Variants in NRXN1 observed in about 807,000 individuals in gnomAD.
NRXN1 encodes the protein neurexin 1, also known as neurexin-1.
A neutral mutation model predicts 150.9 loss-of-function variants in NRXN1; 39 were observed. The ratio of observed to expected loss-of-function variants is 0.26; its 90% CI spans 0.20 to 0.34. NRXN1 has a LOEUF of 0.34. NRXN1 is among the 10% of genes least tolerant of loss of function. The pLI is 1.00. For synonymous variants in NRXN1, 924 were observed against 757.0 expected (o/e 1.22, Z -3.62); for missense variants, 1,815 against 1,949.9 (o/e 0.93, Z 1.30).
At chr2:51,017,185 A>G (rs942085665) in intron 2 of NRXN1, among the ~76,000 whole-genome samples, 25 of 152,148 alleles carry the variant, frequency 1.6e-4, no homozygotes, top group Admixed American at 3.3e-4. Flanking sequence ...GCAAACCACC[A>G]TGGCACGTGT....
At chr2:50,417,724 G>T (rs2083655988) in intron 17 of NRXN1, among the ~76,000 whole-genome samples, 3 of 151,734 alleles carry the variant, frequency 2.0e-5, no homozygotes, top group African/African-American at 4.8e-5. Context: ...GCTTTCTTGA[G>T]GCAGTAACAT....
intron 18 of NRXN1, among the ~76,000 whole-genome samples, chr2:50,149,742 A>G (rs1378529973): frequency 6.6e-6 from 1 of 151,700 alleles, no homozygotes; most frequent in East Asian, 1.9e-4. Context: ...CATAATAAAC[A>G]CCAAAAATGT....
chr2:49,978,503 A>C (rs1400424501), intron 21 of NRXN1, among the ~76,000 whole-genome samples: 1 of 152,138 alleles, frequency 6.6e-6, no homozygotes, highest in Non-Finnish European at 1.5e-5. Context: ...CTCTAATGCT[A>C]ATCCCCACAC....
intron 5 of NRXN1, among the ~76,000 whole-genome samples, chr2:50,724,693 T>C (rs1172206999): frequency 2.0e-5 from 3 of 152,124 alleles, no homozygotes; most frequent in African/African-American, 7.2e-5. Flanking sequence ...TCTAGACAGC[T>C]AAAGAAGCAA....
intron 12 of NRXN1, 104 bp downstream of exon 12, chr2:50,528,521 G>A: frequency 2.8e-6 from 2 of 701,804 alleles, no homozygotes; most frequent in Non-Finnish European, 4.9e-6. Flanking sequence ...GTGAGCTCAT[G>A]AGTTTTATAA....
chr2:50,384,463 GCCACTGCAC>G (rs1301253357), intron 17 of NRXN1, among the ~76,000 whole-genome samples: 1 of 132,492 alleles, frequency 7.5e-6, no homozygotes, highest in Non-Finnish European at 1.5e-5. Flanking sequence ...CCAGGATCAT[GCCACTGCAC>G]TTCAGCCTGA....
At chr2:50,817,017 AAACTGTCT>A (rs557451496) in intron 5 of NRXN1, among the ~76,000 whole-genome samples, 2 of 152,244 alleles carry the variant, frequency 1.3e-5, no homozygotes, top group East Asian at 3.9e-4. Context: ...CGGAGATCAC[AAACTGTCT>A]AAAGAAAAAG....
intron 5 of NRXN1, among the ~76,000 whole-genome samples, chr2:50,849,450 C>T (rs899157515): frequency 1.2e-4 from 19 of 152,200 alleles, no homozygotes; most frequent in African/African-American, 3.9e-4. Context: ...ATCTCCCAGT[C>T]TTAGGGTGAA....
intron 18 of NRXN1, among the ~76,000 whole-genome samples, chr2:50,122,013 A>G (rs1405481978): frequency 6.6e-6 from 1 of 152,236 alleles, no homozygotes; most frequent in Admixed American, 6.5e-5. Context: ...AAGAGAAAGT[A>G]GTATAGTTAC....
intron 18 of NRXN1, among the ~76,000 whole-genome samples, chr2:50,098,873 T>TGG (rs1700636796): frequency 1.5e-5 from 1 of 67,654 alleles, no homozygotes; most frequent in Non-Finnish European, 3.0e-5. Flanking sequence ...TTTTTTTTTT[T>TGG]TTTTTTTTTG....
chr2:50,851,386 T>A (rs1441330339), intron 5 of NRXN1, among the ~76,000 whole-genome samples: 1 of 152,158 alleles, frequency 6.6e-6, no homozygotes, highest in Non-Finnish European at 1.5e-5. Context: ...AAGAAATATA[T>A]AAGTGTTTTA....
At chr2:50,590,946 C>G (rs1674080097) in intron 8 of NRXN1, among the ~76,000 whole-genome samples, 1 of 152,162 alleles carries the variant, frequency 6.6e-6, no homozygotes, top group Admixed American at 6.5e-5. Context: ...ATATAACTCC[C>G]TGCCCTGATT....
At chr2:50,246,364 G>T (rs1277970620) in intron 17 of NRXN1, among the ~76,000 whole-genome samples, 2 of 152,082 alleles carry the variant, frequency 1.3e-5, no homozygotes, top group African/African-American at 4.8e-5. Context: ...TAATACAAAA[G>T]AATAGGTATT....
intron 5 of NRXN1, among the ~76,000 whole-genome samples, chr2:50,911,649 A>G (rs1684537450): frequency 2.6e-5 from 4 of 151,890 alleles, no homozygotes; most frequent in Admixed American, 2.6e-4. Context: ...TTTAAACGTG[A>G]GCTCAGTATT....
At chr2:50,781,557 C>A (rs1434234300) in intron 5 of NRXN1, among the ~76,000 whole-genome samples, 1 of 152,186 alleles carries the variant, frequency 6.6e-6, no homozygotes, top group African/African-American at 2.4e-5. Flanking sequence ...CTTAGCCTTA[C>A]CTGTGAAACC....
chr2:50,157,930 G>A (rs960779146), intron 18 of NRXN1, among the ~76,000 whole-genome samples: 1 of 151,706 alleles, frequency 6.6e-6, no homozygotes, highest in African/African-American at 2.4e-5. Flanking sequence ...ATGGATTTAG[G>A]AGTAATCCCC....
chr2:50,111,114 C>T (rs1217261695), intron 18 of NRXN1, among the ~76,000 whole-genome samples: 1 of 152,104 alleles, frequency 6.6e-6, no homozygotes, highest in Non-Finnish European at 1.5e-5. Flanking sequence ...CCGTGATACA[C>T]TGGGGGCAAC....
Position 50,192,110 on chromosome 2 carries a change from A to G in NRXN1, c.3546+44679T>C, listed in dbSNP as rs143777980. Among the ~76,000 whole-genome samples the G allele has an allele frequency of 7.9e-4, 120 of 152,300 alleles. 1 individual carries two copies. The East Asian group carries it at 0.022, about 28-fold the overall frequency. The stretch of plus-strand genomic sequence containing the variant: ...TATTATATATCCTATTGAGTAGCTC[A>G]GTTTGTAGCTGGAAGAATTGTGCCT... On this transcript the variant is annotated intron_variant, in intron 18 of 22. Transcript: ENST00000401669.
At chr2:50,946,961 T>C (rs976582151) in intron 2 of NRXN1, among the ~76,000 whole-genome samples, 1 of 152,188 alleles carries the variant, frequency 6.6e-6, no homozygotes, top group Non-Finnish European at 1.5e-5. Flanking sequence ...CCTATATATG[T>C]GGCTTTCTGA....
Sources: gnomAD v4.1 joint callset for allele counts (sites outside exome capture counted in the v4.1 genomes callset) on GRCh38, gnomAD v4.1.1 for gene constraint, MANE v1.5 for transcripts, NCBI Gene and HGNC (gene_info 2026-07-23, HGNC 2026-07-21) for gene names.